The following ZNF732 variants were observed in gnomAD, a reference collection of about 807,000 sequenced individuals.
ZNF732 encodes zinc finger protein 732.
In ZNF732, 12 loss-of-function variants were observed where a neutral mutation model predicts 11.5. That is an observed-to-expected ratio of 1.05 (90% CI 0.67 to 1.70). ZNF732 has a LOEUF of 1.70. ZNF732 is among the 40% of genes most tolerant of loss of function. The probability of loss-of-function intolerance (pLI) is 0.00; values close to 1 mark genes in which losing one functional copy is unlikely to be tolerated. For synonymous variants in ZNF732, 231 were observed against 236.5 expected (o/e 0.98, Z 0.21); for missense variants, 702 against 676.9 (o/e 1.04, Z -0.41).
chr4:299,434 TGTATATATATATATATACAC>T, intron 1 of ZNF732, among the ~76,000 whole-genome samples: 1 of 67,386 alleles, frequency 1.5e-5, no homozygotes, highest in South Asian at 5.9e-4. Context: ...TACACATATG[TGTATATATATATATATACAC>T]ATATGTGTAT....
rs1553837833 is a variant in ZNF732 at position 272,222 on chromosome 4, T to A, written c.635A>T (p.Glu212Val). 6.2e-7 allele frequency: 1 copy of A among 1,612,758 alleles called. No homozygotes were observed. The highest frequency in any genetic ancestry group is 1.7e-5 in the Admixed American group (1 of 59,870). The change falls in exon 4 of 4, where the codon GAA becomes GTA. Residue 212 changes from glutamate to valine, a missense_variant. Glu to Val is a moderately radical substitution (Grantham distance 121). Coordinates refer to ENST00000419098, the MANE Select transcript of ZNF732 (RefSeq NM_001137608.3). ...CTCTCCAGTATGAATTATCTCATATTCATTAAAGATTAAATACCATTTAAA... is the reference window on the plus strand; with the variant it reads ...CTCTCCAGTATGAATTATCTCATATACATTAAAGATTAAATACCATTTAAA... ...KDFKWYLIFN[E>V]YEIIHTGEKP...
chr4:293,310 GTA>G (rs1308418750), intron 3 of ZNF732, among the ~76,000 whole-genome samples: 9 of 132,900 alleles, frequency 6.8e-5, no homozygotes, highest in African/African-American at 2.5e-4. Context: ...GTGTGTGTGT[GTA>G]TATATATATA....
Position 299,585 on chromosome 4 carries a change from TATAA to T in ZNF732, c.4-3434_4-3431del, listed in dbSNP as rs1180979594. 1.4e-3 allele frequency among the ~76,000 whole-genome samples: 194 copies of T among 140,154 alleles called. 1 individual carries two copies. Among genetic ancestry groups the T allele is most frequent in the African/African-American group, 4.9e-3 (184 of 37,542 alleles). 91.9% of individuals were successfully genotyped at this position (140,154 alleles called of 152,430 possible). A position where few individuals can be genotyped will look rare whatever the true frequency, so the allele number is the denominator to read the frequency against. On this transcript the variant is annotated intron_variant, in intron 1 of 3. Coordinates refer to ENST00000419098, the MANE Select transcript of ZNF732 (RefSeq NM_001137608.3). ...TATAGTTTTATATATATAATTTATATATAAATATATATTTATAAATTATTTATAT... is the reference window on the plus strand; with the variant it reads ...TATAGTTTTATATATATAATTTATATATATATATTTATAAATTATTTATAT...
intron 3 of ZNF732, among the ~76,000 whole-genome samples, chr4:291,280 C>T (rs1553841313): frequency 1.3e-5 from 2 of 152,312 alleles, no homozygotes; most frequent in Admixed American, 6.5e-5. Flanking sequence ...CAAGGTCTCA[C>T]TACAAGGCCC....
At position 271,970 on chromosome 4, in the gene ZNF732, T is replaced by G; in HGVS notation, c.887A>C (p.His296Pro). 1.2e-6 allele frequency: 2 copies of G among 1,607,528 alleles called. No individual in the cohort carries two copies. Among genetic ancestry groups the G allele is most frequent in the Non-Finnish European group, 1.7e-6 (2 of 1,176,634 alleles). The change falls in exon 4 of 4, where the codon CAT becomes CCT. Residue 296 changes from histidine to proline, a missense_variant. Around this residue, in one of 3 missense-constraint regions of ZNF732, gnomAD observed 596 missense variants for 557.9 expected, o/e 1.07. Transcript: ENST00000419098. ...IITSSSNVAK[H>P]KKIHTGEKLY... ...TTTCTCTCCGGTATGAATTTTCTTA[T>G]GTTTGGCAACATTTGAGGATGAGGT...
In ZNF732 at chr4:272,438, A is replaced by G; in HGVS notation, c.419T>C (p.Ile140Thr). 6.3e-7 allele frequency: 1 copy of G among 1,599,784 alleles called. No homozygotes were observed. The highest frequency in any genetic ancestry group is 1.1e-5 in the South Asian group (1 of 89,736). ...TTTGACATGTACATTACACTGAAAT[A>G]TTTTGCTCTGGATAGTTGACAAGCA... is the stretch of plus-strand genomic sequence containing the variant. ...NQCLSTIQSKIFQCNVHVKVF... is the reference protein window; with the variant it reads ...NQCLSTIQSKTFQCNVHVKVF... The change falls in exon 4 of 4, where the codon ATA becomes ACA. Residue 140 changes from isoleucine (I) to threonine (T), a missense_variant. Physicochemically the swap from Ile to Thr is moderately conservative, Grantham distance 89. Coordinates refer to ENST00000419098, the MANE Select transcript of ZNF732 (RefSeq NM_001137608.3).
Position 305,418 on chromosome 4 carries a change from G to A in ZNF732, c.-108C>T, listed in dbSNP as rs144276534. On this transcript the variant is annotated 5_prime_UTR_variant, in exon 1 of 4. Coordinates refer to ENST00000419098, the MANE Select transcript of ZNF732 (RefSeq NM_001137608.3). ...GTGACCGAATCACCGACGCCTCCCT[G>A]AGGGGTGAAAGCACGGCCGTGGAGA... 1.7e-3 allele frequency: 2,594 copies of A among 1,521,848 alleles called. 14 individuals carry two copies. Among genetic ancestry groups the A allele is most frequent in the Middle Eastern group, 5.8e-3 (34 of 5,818 alleles). The allele number at this position is 1,521,848 out of a possible 1,614,324, so 94.3% of individuals were successfully genotyped here. A position where few individuals can be genotyped will look rare whatever the true frequency, so the allele number is the denominator to read the frequency against.
intron 1 of ZNF732, among the ~76,000 whole-genome samples, chr4:298,922 C>A (rs782193034): frequency 2.6e-5 from 4 of 152,106 alleles, no homozygotes; most frequent in Non-Finnish European, 5.9e-5. Context: ...TCTTCTGTTC[C>A]CACCAGAAGC....
chr4:298,992 T>TA (rs1720022071), intron 1 of ZNF732, among the ~76,000 whole-genome samples: 1 of 152,122 alleles, frequency 6.6e-6, no homozygotes, highest in South Asian at 2.1e-4. Flanking sequence ...GAGCTCCACC[T>TA]ATGTTGACCT....
intron 3 of ZNF732, among the ~76,000 whole-genome samples, chr4:286,058 G>A (rs1320895244): frequency 1.3e-5 from 2 of 152,224 alleles, no homozygotes; most frequent in African/African-American, 4.8e-5. Context: ...ACTGTGCGAA[G>A]ATGAGTTTTG....
chr4:298,027 C>T (rs1719995771), intron 1 of ZNF732, among the ~76,000 whole-genome samples: 1 of 152,052 alleles, frequency 6.6e-6, no homozygotes. Flanking sequence ...TTAGCCACTT[C>T]TCTGTGTCTT....
In ZNF732 at chr4:271,901, G is replaced by C; in HGVS notation, c.956C>G (p.Thr319Arg). 1 of 1,612,746 alleles carries C rather than the reference G, an allele frequency of 6.2e-7. No homozygotes were observed. The highest frequency in any genetic ancestry group is 8.5e-7 in the Non-Finnish European group (1 of 1,179,396). Residue 319 changes from threonine (T) to arginine (R), a missense_variant, in exon 4 of 4, where the codon ACA (threonine) becomes AGA (arginine). Around this residue, in one of 3 missense-constraint regions of ZNF732, gnomAD observed 596 missense variants for 557.9 expected, o/e 1.07. Coordinates refer to ENST00000419098, the MANE Select transcript of ZNF732 (RefSeq NM_001137608.3). ...AATTCTGTTATGTTTAGTAAGGGTT[G>C]TGGACCTATTAAAGACTTTGCCACA... ...QECGKVFNRS[T>R]TLTKHNRIHT... is the part of the protein sequence containing the mutation.
intron 1 of ZNF732, among the ~76,000 whole-genome samples, chr4:299,578 A>ATTTATATATAAATATATAT (rs1720067551): frequency 7.2e-6 from 1 of 138,580 alleles, no homozygotes; most frequent in African/African-American, 2.7e-5. Flanking sequence ...TATATATATA[A>ATTTATATATAAATATATAT]TTTATATATA....
chr4:271,659 TA>T lies in ZNF732; in HGVS notation c.1197del (p.Phe399LeufsTer35). 1.9e-6 allele frequency: 3 copies of T among 1,611,080 alleles called. No individual in the cohort carries two copies. The highest frequency in any genetic ancestry group is 2.5e-6 in the Non-Finnish European group (3 of 1,178,544). ...PYTCEECGKA[F>X]SRFTTLNEHK... ...TGTTCATTAAGGGTTGTGAACCGACTAAAGGCTTTTCCACATTCTTCACATG... is the reference window on the plus strand; with the variant it reads ...TGTTCATTAAGGGTTGTGAACCGACTAAGGCTTTTCCACATTCTTCACATG... On this transcript the variant is annotated frameshift_variant, in exon 4 of 4. Coordinates refer to ENST00000419098, the MANE Select transcript of ZNF732 (RefSeq NM_001137608.3). LOFTEE classifies it low-confidence loss of function (END_TRUNC).
chr4:293,298 A>G (rs187529981), intron 3 of ZNF732, among the ~76,000 whole-genome samples: 9,149 of 142,910 alleles, frequency 0.064, 359 homozygotes, highest in Middle Eastern at 0.13. Flanking sequence ...ATATATATAT[A>G]TGTGTGTGTG....
intron 3 of ZNF732, among the ~76,000 whole-genome samples, chr4:289,682 G>C (rs1553841122): frequency 2.0e-5 from 3 of 152,082 alleles, no homozygotes; most frequent in African/African-American, 7.2e-5. Flanking sequence ...TGTTTCTGTA[G>C]AAATTTCACT....
intron 3 of ZNF732, among the ~76,000 whole-genome samples, chr4:273,788 T>C (rs1268221725): frequency 6.6e-6 from 1 of 151,660 alleles, no homozygotes; most frequent in Non-Finnish European, 1.5e-5. Flanking sequence ...TTTATAACTG[T>C]GGTCTTAAAA....
chr4:286,085 G>A (rs1553840567), intron 3 of ZNF732, among the ~76,000 whole-genome samples: 1 of 152,226 alleles, frequency 6.6e-6, no homozygotes, highest in Non-Finnish European at 1.5e-5. Context: ...CTGACAAAAA[G>A]TGCTGAAGGA....
At chr4:291,046 C>T (rs1719833546) in intron 3 of ZNF732, among the ~76,000 whole-genome samples, 1 of 152,146 alleles carries the variant, frequency 6.6e-6, no homozygotes, top group South Asian at 2.1e-4. Flanking sequence ...TAACATATTA[C>T]CAAATGTACC....
Sources: allele counts gnomAD v4.1 joint callset (sites outside exome capture counted in the v4.1 genomes callset), GRCh38; gene constraint gnomAD v4.1.1; regional missense constraint gnomAD v4.1.1; transcripts MANE v1.5; gene names NCBI Gene and HGNC (gene_info 2026-07-23, HGNC 2026-07-21).